PROCR: variants seen among roughly 807,000 people sequenced by gnomAD.
PROCR encodes the protein protein C receptor, also known as endothelial protein C receptor.
A neutral mutation model predicts 24.2 loss-of-function variants in PROCR; 22 were observed. The ratio of observed to expected loss-of-function variants is 0.91; its 90% CI spans 0.65 to 1.30. The LOEUF (loss-of-function observed/expected upper bound fraction) is 1.30. PROCR is among the 50% of genes most tolerant of loss of function. The probability of loss-of-function intolerance (pLI) is 0.00; values close to 1 mark genes in which losing one functional copy is unlikely to be tolerated. For synonymous variants in PROCR, 137 were observed against 139.2 expected, an observed-to-expected ratio of 0.98 and a Z score of 0.11; for missense variants, 288 against 307.7, an observed-to-expected ratio of 0.94 and a Z score of 0.48.
intron 1 of PROCR, among the ~76,000 whole-genome samples, chr20:35,190,848 C>T (rs969883172): frequency 5.3e-5 from 8 of 152,050 alleles, no homozygotes; most frequent in Non-Finnish European, 8.8e-5. Context: ...AGATGATGGT[C>T]CTGTTCTCCT....
intron 1 of PROCR, among the ~76,000 whole-genome samples, chr20:35,184,035 CAG>C (rs2086101959): frequency 6.6e-6 from 1 of 152,102 alleles, no homozygotes; most frequent in African/African-American, 2.4e-5. Context: ...TCATTCTTCA[CAG>C]AGTTAGAAAA....
downstream of PROCR, among the ~76,000 whole-genome samples, chr20:35,179,867 C>T (rs527913519): frequency 1.8e-4 from 28 of 152,200 alleles, no homozygotes; most frequent in Non-Finnish European, 1.2e-4. Flanking sequence ...CTTTCTACCC[C>T]ATTGCTTTTG....
At chr20:35,211,391 ACCT>A (rs1415308185) in intron 1 of PROCR, among the ~76,000 whole-genome samples, 6 of 151,942 alleles carry the variant, frequency 3.9e-5, no homozygotes, top group Admixed American at 1.3e-4. Flanking sequence ...AGGTCCAGGT[ACCT>A]CCCACCCCTT....
At chr20:35,201,342 C>A (rs2060317487) in intron 1 of PROCR, among the ~76,000 whole-genome samples, 2 of 152,092 alleles carry the variant, frequency 1.3e-5, no homozygotes, top group African/African-American at 4.8e-5. Context: ...TCAATAACTA[C>A]ATTAAATGTA....
intron 1 of PROCR, among the ~76,000 whole-genome samples, chr20:35,189,648 A>G (rs2146161860): frequency 6.6e-6 from 1 of 152,190 alleles, no homozygotes; most frequent in East Asian, 1.9e-4. Context: ...CTCAGGGGGC[A>G]TCACGGAACC....
rs570837588 is a variant in PROCR at position 35,208,339 on chromosome 20, T to C, written c.95-7554T>C. Among the ~76,000 whole-genome samples, 4 of 152,226 alleles carry C rather than the reference T, an allele frequency of 2.6e-5. No individual in the cohort carries two copies. In the South Asian group the frequency reaches 8.3e-4, roughly 31 times the overall value. On this transcript the variant is annotated intron_variant, in intron 1 of 1. Coordinates refer to the PROCR transcript ENST00000634509. ...TCGTATAGCCAAAATCCTCTTGCTC[T>C]GTGTCTGTTTATTCAACAAATATTT...
chr20:35,181,140 T>A (rs1376575688), downstream of PROCR, among the ~76,000 whole-genome samples: 3 of 152,090 alleles, frequency 2.0e-5, no homozygotes, highest in Non-Finnish European at 4.4e-5. Context: ...AGTGCTGGGA[T>A]TACAGGCGTG....
rs761686527 is a variant in PROCR at position 35,172,192 on chromosome 20, G to A, written c.38G>A (p.Gly13Asp). ...TTGCTGCCGATACTGCTGCTGTCTGGCTGGGCCTTTTGTAGCCAAGACGCC... is the reference window on the plus strand; with the variant it reads ...TTGCTGCCGATACTGCTGCTGTCTGACTGGGCCTTTTGTAGCCAAGACGCC... ...TTLLPILLLS[G>D]WAFCSQDASD... is the part of the protein sequence containing the mutation. Residue 13 changes from glycine to aspartate, a missense_variant, in exon 1 of 4, where the codon GGC becomes GAC. Coordinates refer to ENST00000216968, the MANE Select transcript of PROCR (RefSeq NM_006404.5). 1 of 1,614,212 alleles carries A rather than the reference G, an allele frequency of 6.2e-7. No homozygotes were observed. The highest frequency in any genetic ancestry group is 1.1e-5 in the South Asian group (1 of 91,090).
intron 1 of PROCR, among the ~76,000 whole-genome samples, chr20:35,198,971 C>A (rs939439037): frequency 6.6e-6 from 1 of 152,182 alleles, no homozygotes; most frequent in Non-Finnish European, 1.5e-5. Context: ...GCCTCATCCT[C>A]CCAAAGTGCT....
intron 1 of PROCR, among the ~76,000 whole-genome samples, chr20:35,193,581 C>T (rs1331828308): frequency 6.6e-6 from 1 of 152,134 alleles, no homozygotes; most frequent in Non-Finnish European, 1.5e-5. Context: ...CAGTGTTATG[C>T]CTCAATAAAG....
chr20:35,174,965 C>G lies in PROCR; in HGVS notation c.322+12C>G. Reference sequence around the variant, plus strand: ...GCGGACCTTGGCCTGTGAGTAGGCGCGCAGCGGGGGCGGGGTCTGGGCGGG... The same window carrying G: ...GCGGACCTTGGCCTGTGAGTAGGCGGGCAGCGGGGGCGGGGTCTGGGCGGG... On this transcript the variant is annotated intron_variant, in intron 2 of 3. Transcript: ENST00000216968. The G allele has an allele frequency of 3.1e-6, 4 of 1,306,686 alleles. No individual in the cohort carries two copies. The highest frequency in any genetic ancestry group is 4.0e-5 in the East Asian group (1 of 24,924). 80.9% of individuals were successfully genotyped at this position (1,306,686 alleles called of 1,614,324 possible). A position where few individuals can be genotyped will look rare whatever the true frequency, so the allele number is the denominator to read the frequency against.
At position 35,197,358 on chromosome 20, in the gene PROCR, T is replaced by C. The variant is rs141273263; in HGVS notation, c.95-18535T>C. The stretch of plus-strand genomic sequence containing the variant: ...TTTGGGGTGTCACAAATCACACCTA[T>C]ATAAGATGGCAAACCTATAGTTGAT... On this transcript the variant is annotated intron_variant, in intron 1 of 1. Transcript: ENST00000634509. 5.9e-3 allele frequency among the ~76,000 whole-genome samples: 902 copies of C among 152,320 alleles called. 31 individuals carry two copies. Among genetic ancestry groups the C allele is most frequent in the Admixed American group, 0.044 (674 of 15,298 alleles).
chr20:35,180,014 G>A (rs2086063011), downstream of PROCR, among the ~76,000 whole-genome samples: 1 of 152,118 alleles, frequency 6.6e-6, no homozygotes, highest in African/African-American at 2.4e-5. Flanking sequence ...GGGAGGCCGA[G>A]GTGGGGGGAT....
downstream of PROCR, among the ~76,000 whole-genome samples, chr20:35,179,450 G>A (rs2086058825): frequency 6.6e-6 from 1 of 151,730 alleles, no homozygotes; most frequent in Non-Finnish European, 1.5e-5. Flanking sequence ...AGAGGCTGAG[G>A]TAAGAGGATT....
rs368230540 is a variant in PROCR, at chr20:35,174,883, T to C, written c.252T>C (p.Ser84=). ...QEPESWARTQ[S]GLQSYLLQFH... is the part of the protein sequence containing the mutation. Reference sequence around the variant, plus strand: ...CCGAGAGCTGGGCGCGCACGCAGAGTGGCCTGCAGTCCTACCTGCTCCAGT... The same window carrying C: ...CCGAGAGCTGGGCGCGCACGCAGAGCGGCCTGCAGTCCTACCTGCTCCAGT... The change falls in exon 2 of 4, where the codon AGT becomes AGC. Residue 84 remains serine, a synonymous_variant. Transcript: ENST00000216968. The C allele has an allele frequency of 3.7e-6, 6 of 1,609,594 alleles. No individual in the cohort carries two copies. The highest frequency in any genetic ancestry group is 5.1e-6 in the Non-Finnish European group (6 of 1,178,102).
intron 1 of PROCR, among the ~76,000 whole-genome samples, chr20:35,183,970 C>T (rs532138972): frequency 6.6e-6 from 1 of 152,230 alleles, no homozygotes; most frequent in African/African-American, 2.4e-5. Flanking sequence ...GTGAAAATGA[C>T]CATACTGCCA....
chr20:35,215,408 C>A (rs1568603695), intron 1 of PROCR, among the ~76,000 whole-genome samples: 2 of 152,172 alleles, frequency 1.3e-5, no homozygotes, highest in African/African-American at 4.8e-5. Context: ...TATCCCCAGC[C>A]AGAGTGACCT....
intron 1 of PROCR, among the ~76,000 whole-genome samples, chr20:35,204,829 T>C (rs918998025): frequency 6.6e-6 from 1 of 152,106 alleles, no homozygotes; most frequent in African/African-American, 2.4e-5. Context: ...ACAAGAAAAC[T>C]ATAGAACAAT....
At chr20:35,204,721 A>G (rs2146175440) in intron 1 of PROCR, among the ~76,000 whole-genome samples, 1 of 152,092 alleles carries the variant, frequency 6.6e-6, no homozygotes, top group South Asian at 2.1e-4. Context: ...AAAGAAAGAA[A>G]TAGTATCAAT....
Sources: allele counts gnomAD v4.1 joint callset (sites outside exome capture counted in the v4.1 genomes callset), GRCh38; gene constraint gnomAD v4.1.1; transcripts MANE v1.5; gene names NCBI Gene and HGNC (gene_info 2026-07-23, HGNC 2026-07-21).